Variants in ITPRID1 observed in about 807,000 individuals in gnomAD.
The protein encoded by ITPRID1 is protein ITPRID1.
In ITPRID1, 96 loss-of-function variants were observed where a neutral mutation model predicts 95.4. The ratio of observed to expected loss-of-function variants is 1.01; its 90% CI spans 0.85 to 1.19. ITPRID1 has a LOEUF of 1.19. Among genes scored for constraint, ITPRID1 ranks in the 50% most tolerant of loss-of-function variants. The pLI is 0.00. For synonymous variants in ITPRID1, 510 were observed against 453.6 expected (o/e 1.12, Z -1.58); for missense variants, 1,339 against 1,252.9 (o/e 1.07, Z -1.04).
intron 12 of ITPRID1, among the ~76,000 whole-genome samples, chr7:31,648,264 T>C (rs1562657180): frequency 6.6e-6 from 1 of 152,114 alleles, no homozygotes. Flanking sequence ...TTTCAATGGG[T>C]TTGGGTCAGT....
downstream of ITPRID1, among the ~76,000 whole-genome samples, chr7:31,658,018 G>C (rs906120144): frequency 6.6e-6 from 1 of 152,100 alleles, no homozygotes; most frequent in African/African-American, 2.4e-5. Flanking sequence ...GCTTTGAATA[G>C]GTAAGATCAA....
In ITPRID1 at chr7:31,652,867, A is replaced by G. The variant is rs371845154; in HGVS notation, c.*38A>G. ...TTGTTAACCTTCATACAAAATATAAAGGCCCAGAACAGATGTAGCAAGGAA... is the reference window on the plus strand; with the variant it reads ...TTGTTAACCTTCATACAAAATATAAGGGCCCAGAACAGATGTAGCAAGGAA... On this transcript the variant is annotated 3_prime_UTR_variant, in exon 15 of 15. Transcript: ENST00000615280. The G allele has an allele frequency of 1.3e-6, 2 of 1,593,994 alleles. No homozygotes were observed. Among genetic ancestry groups the G allele is most frequent in the African/African-American group, 2.7e-5 (2 of 74,532 alleles).
chr7:31,615,228 G>GA (rs1787095472), intron 10 of ITPRID1, among the ~76,000 whole-genome samples: 2 of 151,984 alleles, frequency 1.3e-5, no homozygotes, highest in African/African-American at 4.8e-5. Flanking sequence ...GCTGACTAGT[G>GA]AAAAATCAAA....
chr7:31,593,177 T>C (rs1785939469), intron 10 of ITPRID1, among the ~76,000 whole-genome samples: 2 of 152,034 alleles, frequency 1.3e-5, no homozygotes, highest in Non-Finnish European at 1.5e-5. Flanking sequence ...TAGTGGTGCA[T>C]GCTTGTAATC....
At chr7:31,569,000 G>T (rs1784892775) in intron 5 of ITPRID1, among the ~76,000 whole-genome samples, 1 of 152,188 alleles carries the variant, frequency 6.6e-6, no homozygotes, top group African/African-American at 2.4e-5. Context: ...TTTGTTGTGA[G>T]AATTACAAGA....
At chr7:31,638,348 C>T (rs1208907958) in intron 10 of ITPRID1, among the ~76,000 whole-genome samples, 7 of 152,104 alleles carry the variant, frequency 4.6e-5, no homozygotes, top group Admixed American at 3.9e-4. Flanking sequence ...CAACACTAAA[C>T]AGCTGTTCTA....
intron 1 of ITPRID1, among the ~76,000 whole-genome samples, chr7:31,528,165 C>T (rs931392798): frequency 6.6e-6 from 1 of 152,122 alleles, no homozygotes; most frequent in African/African-American, 2.4e-5. Flanking sequence ...ATGCAAACTT[C>T]AGTGCTCTGA....
At position 31,654,656 on chromosome 7, in the gene ITPRID1, G is replaced by T. The variant is rs929795990; in HGVS notation, c.*1827G>T. ...GTGAGGCTCCCACCCCAGTGGAAAT[G>T]CAGGGAATGGCACACAAAGGCCAGA... On this transcript the variant is annotated 3_prime_UTR_variant, in exon 15 of 15. Coordinates refer to ENST00000615280, the MANE Select transcript of ITPRID1 (RefSeq NM_001257967.3). Among the ~76,000 whole-genome samples the T allele has an allele frequency of 6.6e-6, 1 of 152,112 alleles. No homozygotes were observed. The highest frequency in any genetic ancestry group is 6.5e-5 in the Admixed American group (1 of 15,270).
intron 3 of ITPRID1, 114 bp downstream of exon 3, chr7:31,553,301 T>C: frequency 2.1e-6 from 2 of 959,232 alleles, no homozygotes; most frequent in South Asian, 1.7e-5. Flanking sequence ...GCTTTGAATA[T>C]ACCAGTGTTC....
chr7:31,531,475 C>T (rs1289077206), intron 1 of ITPRID1, among the ~76,000 whole-genome samples: 3 of 152,288 alleles, frequency 2.0e-5, no homozygotes, highest in African/African-American at 7.2e-5. Context: ...TGAGGTCTCT[C>T]TCTTGAGTGG....
chr7:31,652,692 C>A lies in ITPRID1; in HGVS notation c.2998C>A (p.Gln1000Lys), dbSNP rs1791070895. Residue 1000 changes from glutamine (Q) to lysine (K), a missense_variant, in exon 15 of 15, where the codon CAG becomes AAG. Gln to Lys is a moderately conservative substitution (Grantham distance 53). Transcript: ENST00000615280. ...GQEAPCSGGT[Q>K]LAAFTPPTLE... ...GGAGGCTCCCTGTTCAGGTGGGACCCAGTTGGCTGCCTTCACTCCACCCAC... is the reference window on the plus strand; with the variant it reads ...GGAGGCTCCCTGTTCAGGTGGGACCAAGTTGGCTGCCTTCACTCCACCCAC... 1 of 1,613,922 alleles carries A rather than the reference C, an allele frequency of 6.2e-7. No individual in the cohort carries two copies. Among genetic ancestry groups the A allele is most frequent in the Non-Finnish European group, 8.5e-7 (1 of 1,179,882 alleles).
chr7:31,646,741 T>G (rs1281841935), intron 12 of ITPRID1, among the ~76,000 whole-genome samples: 1 of 152,158 alleles, frequency 6.6e-6, no homozygotes, highest in South Asian at 2.1e-4. Context: ...CCCATTATGC[T>G]CAGTAACTGT....
chr7:31,638,263 G>A (rs973725152), intron 10 of ITPRID1, among the ~76,000 whole-genome samples: 1 of 152,154 alleles, frequency 6.6e-6, no homozygotes, highest in Non-Finnish European at 1.5e-5. Context: ...TATAACAAAG[G>A]CAGTGAAGTC....
At position 31,631,915 on chromosome 7, in the gene ITPRID1, C is replaced by G. The variant is rs1474038294; in HGVS notation, c.1229-10261C>G. Among the ~76,000 whole-genome samples, 6 of 152,262 alleles carry G rather than the reference C, an allele frequency of 3.9e-5. No homozygotes were observed. The South Asian group carries it at 1.0e-3, about 26-fold the overall frequency. Reference sequence around the variant, plus strand: ...TTTAGGATGAGAGTCAAGATATATACAAGCTCCGTGATGGCAGGTACCTTT... The same window carrying G: ...TTTAGGATGAGAGTCAAGATATATAGAAGCTCCGTGATGGCAGGTACCTTT... On this transcript the variant is annotated intron_variant, in intron 10 of 14. Coordinates refer to ENST00000615280, the MANE Select transcript of ITPRID1 (RefSeq NM_001257967.3).
intron 10 of ITPRID1, among the ~76,000 whole-genome samples, chr7:31,619,997 G>A (rs563438452): frequency 8.5e-5 from 13 of 152,300 alleles, no homozygotes; most frequent in South Asian, 4.1e-4. Context: ...ACGGAGTCTC[G>A]CTGATTGCTA....
intron 10 of ITPRID1, among the ~76,000 whole-genome samples, chr7:31,610,202 C>A (rs1166503477): frequency 6.6e-6 from 1 of 151,572 alleles, no homozygotes; most frequent in Admixed American, 6.6e-5. Flanking sequence ...TATGGTCTAT[C>A]CTGCTTGGAG....
intron 10 of ITPRID1, among the ~76,000 whole-genome samples, chr7:31,638,309 A>G (rs1047645144): frequency 1.3e-5 from 2 of 152,204 alleles, no homozygotes; most frequent in African/African-American, 4.8e-5. Context: ...TATAATAAAT[A>G]TATAGTGAGT....
intron 10 of ITPRID1, among the ~76,000 whole-genome samples, chr7:31,607,551 C>A (rs1487278712): frequency 6.6e-6 from 1 of 152,082 alleles, no homozygotes; most frequent in Non-Finnish European, 1.5e-5. Context: ...ACAGTGAACT[C>A]TGTTCTGTTA....
chr7:31,607,281 G>C (rs997950278), intron 10 of ITPRID1, among the ~76,000 whole-genome samples: 2 of 152,068 alleles, frequency 1.3e-5, no homozygotes, highest in African/African-American at 4.8e-5. Flanking sequence ...ATCCTTGCTG[G>C]ATCTCCCATT....
Sources: allele counts gnomAD v4.1 joint callset (sites outside exome capture counted in the v4.1 genomes callset), GRCh38; gene constraint gnomAD v4.1.1; transcripts MANE v1.5; gene names NCBI Gene and HGNC (gene_info 2026-07-23, HGNC 2026-07-21).